Variants in TMED5 observed in about 807,000 individuals in gnomAD.
TMED5 encodes transmembrane emp24 domain-containing protein 5.
In TMED5, 27 loss-of-function variants were observed where a neutral mutation model predicts 23.0. The observed-to-expected ratio is 1.17, with a 90% CI of 0.86 to 1.62. The LOEUF is 1.62. TMED5 is among the 40% of genes most tolerant of loss of function. TMED5 has a pLI of 0.00. For missense variants in TMED5, 248 were observed against 273.7 expected, an observed-to-expected ratio of 0.91 and a Z score of 0.66; for synonymous variants, 97 against 100.8, an observed-to-expected ratio of 0.96 and a Z score of 0.23.
Position 93,156,280 on chromosome 1 carries a change from T to G in TMED5, c.471+20A>C. The stretch of plus-strand genomic sequence containing the variant: ...CTCTGGCTGTTAATAATTTTTATTT[T>G]ATTAGAAGACCATACTGACCAGGAT... On this transcript the variant is annotated intron_variant, in intron 3 of 3. Coordinates refer to ENST00000370282, the MANE Select transcript of TMED5 (RefSeq NM_016040.5). 1 of 1,604,498 alleles carries G rather than the reference T, an allele frequency of 6.2e-7. No homozygotes were observed. The highest frequency in any genetic ancestry group is 8.5e-7 in the Non-Finnish European group (1 of 1,172,536).
At chr1:93,168,598 G>A (rs1648585778) in intron 1 of TMED5, among the ~76,000 whole-genome samples, 1 of 152,226 alleles carries the variant, frequency 6.6e-6, no homozygotes, top group Admixed American at 6.5e-5. Flanking sequence ...CACTTTGGGA[G>A]GCTGAGGCAG....
chr1:93,163,532 G>A (rs1400614792), intron 1 of TMED5, among the ~76,000 whole-genome samples: 1 of 151,550 alleles, frequency 6.6e-6, no homozygotes, highest in Non-Finnish European at 1.5e-5. Flanking sequence ...TGTAGAGATG[G>A]GGTTTCACCA....
intron 1 of TMED5, among the ~76,000 whole-genome samples, chr1:93,165,007 A>G (rs1479541934): frequency 2.6e-5 from 4 of 152,240 alleles, no homozygotes; most frequent in Non-Finnish European, 5.9e-5. Context: ...AGAGGCTCAC[A>G]TGGCAAGAAA....
intron 1 of TMED5, among the ~76,000 whole-genome samples, chr1:93,172,615 T>C (rs971412843): frequency 3.3e-5 from 5 of 151,936 alleles, no homozygotes; most frequent in African/African-American, 1.2e-4. Flanking sequence ...CAGCAAGACC[T>C]CATCTCAAAA....
At chr1:93,170,693 G>A (rs1388299400) in intron 1 of TMED5, among the ~76,000 whole-genome samples, 2 of 152,230 alleles carry the variant, frequency 1.3e-5, no homozygotes, top group African/African-American at 4.8e-5. Flanking sequence ...CTGGGGTCCT[G>A]AGTCTGGTGG....
intron 1 of TMED5, among the ~76,000 whole-genome samples, chr1:93,175,188 T>C (rs1648867463): frequency 7.0e-6 from 1 of 141,932 alleles, no homozygotes; most frequent in Non-Finnish European, 1.5e-5. Flanking sequence ...TATATATATA[T>C]ATATATATAT....
intron 1 of TMED5, among the ~76,000 whole-genome samples, chr1:93,172,971 T>A (rs1408980948): frequency 6.6e-6 from 1 of 152,132 alleles, no homozygotes; most frequent in East Asian, 1.9e-4. Flanking sequence ...CATTATCTCA[T>A]ATGTGGAATT....
In TMED5 at chr1:93,153,581, C is replaced by T. The variant is rs1647955174; in HGVS notation, c.*1089G>A. ...GTTATGAGTAGGATGTCATGATGAG[C>T]CAGTCAGATTCTAGATATTTATTTA... On this transcript the variant is annotated 3_prime_UTR_variant, in exon 4 of 4. Transcript: ENST00000370282. 6.6e-6 allele frequency: 1 copy of T among 152,042 alleles called. No individual in the cohort carries two copies. The highest frequency in any genetic ancestry group is 6.5e-5 in the Admixed American group (1 of 15,274). 9.4% of individuals were successfully genotyped at this position (152,042 alleles called of 1,614,324 possible).
intron 1 of TMED5, chr1:93,161,714 G>A (rs1471234992): frequency 6.6e-6 from 1 of 152,136 alleles, no homozygotes; most frequent in South Asian, 2.1e-4. Flanking sequence ...GCACTTATGA[G>A]ACGTTCTCTG....
chr1:93,168,081 T>C (rs1648570333), intron 1 of TMED5, among the ~76,000 whole-genome samples: 1 of 152,192 alleles, frequency 6.6e-6, no homozygotes, highest in African/African-American at 2.4e-5. Flanking sequence ...TTGAGAATGC[T>C]GAACCATCCT....
At chr1:93,156,807 CAAAA>C (rs10572798) in intron 2 of TMED5, among the ~76,000 whole-genome samples, 7 of 90,470 alleles carry the variant, frequency 7.7e-5, no homozygotes, top group East Asian at 3.5e-4. Context: ...GATCCTGTCT[CAAAA>C]AAAAAAAAAA....
chr1:93,154,844 GT>G lies in TMED5; in HGVS notation c.515del (p.His172ProfsTer32), dbSNP rs1557571026. ...CAAATGCTCTAAGCAGAGTTTGTAT[GT>G]GCCCACTTTTGCTTAGTCTGGACTT... ...SIKSRLSKSG[H>X]IQTLLRAFEA... is the part of the protein sequence containing the mutation. On this transcript the variant is annotated frameshift_variant, in exon 4 of 4. Transcript: ENST00000370282. LOFTEE classifies it high-confidence loss of function. The G allele has an allele frequency of 6.2e-7, 1 of 1,613,912 alleles. No homozygotes were observed. Among genetic ancestry groups the G allele is most frequent in the Non-Finnish European group, 8.5e-7 (1 of 1,179,792 alleles).
chr1:93,158,093 C>G (rs1648139213), intron 2 of TMED5, among the ~76,000 whole-genome samples: 1 of 134,752 alleles, frequency 7.4e-6, no homozygotes, highest in East Asian at 2.2e-4. Flanking sequence ...CACTGCACTC[C>G]AGCTGGGCAA....
chr1:93,171,719 A>G (rs1280442050), intron 1 of TMED5, among the ~76,000 whole-genome samples: 1 of 152,198 alleles, frequency 6.6e-6, no homozygotes, highest in East Asian at 1.9e-4. Flanking sequence ...TGAGGCCAAC[A>G]TTACCCTAAT....
chr1:93,171,245 G>C (rs1041087165), intron 1 of TMED5, among the ~76,000 whole-genome samples: 1 of 151,580 alleles, frequency 6.6e-6, no homozygotes, highest in African/African-American at 2.4e-5. Flanking sequence ...CTTCACTCCT[G>C]AGCCAGCGAG....
rs1282878754 is a variant in TMED5, at chr1:93,150,068, ACAAT to A, written c.*4598_*4601del. ...TCACATGTATATTTATGTAATCACC[ACAAT>A]CAAACTACAGAACTTTTCCACCACA... is the stretch of plus-strand genomic sequence containing the variant. On this transcript the variant is annotated 3_prime_UTR_variant, in exon 4 of 4. Transcript: ENST00000370282. The A allele has an allele frequency of 6.6e-6, 1 of 152,228 alleles. No homozygotes were observed. The highest frequency in any genetic ancestry group is 2.4e-5 in the African/African-American group (1 of 41,454). The allele number at this position is 152,228 out of a possible 1,614,324, so 9.4% of individuals were successfully genotyped here.
chr1:93,176,696 G>A (rs1045043910), intron 1 of TMED5, among the ~76,000 whole-genome samples: 2 of 152,238 alleles, frequency 1.3e-5, no homozygotes, highest in South Asian at 4.1e-4. Context: ...ACCATGCCTG[G>A]CTAACTTTAT....
chr1:93,179,644 G>A (rs1431172929), intron 1 of TMED5, among the ~76,000 whole-genome samples: 1 of 152,228 alleles, frequency 6.6e-6, no homozygotes, highest in Non-Finnish European at 1.5e-5. Flanking sequence ...AGGGGTGGGG[G>A]TGATTCAAAC....
chr1:93,171,227 G>A (rs1648720866), intron 1 of TMED5, among the ~76,000 whole-genome samples: 1 of 152,012 alleles, frequency 6.6e-6, no homozygotes. Flanking sequence ...CACTGCAAAG[G>A]TCTGCAGCTT....
Sources: allele counts gnomAD v4.1 joint callset (sites outside exome capture counted in the v4.1 genomes callset), GRCh38; gene constraint gnomAD v4.1.1; transcripts MANE v1.5; gene names NCBI Gene and HGNC (gene_info 2026-07-23, HGNC 2026-07-21).